The following DNAH2 variants were observed in gnomAD, a reference collection of about 807,000 sequenced individuals.
The protein encoded by DNAH2 is dynein axonemal heavy chain 2.
Under a neutral mutation model 523.5 loss-of-function variants are expected in DNAH2, and 323 were observed. That is an observed-to-expected ratio of 0.62 (90% CI 0.56 to 0.68). The LOEUF is 0.68. Among genes scored for constraint, DNAH2 ranks in the 30% least tolerant of loss-of-function variants. The pLI, the probability that DNAH2 is intolerant of heterozygous loss-of-function variation, is 0.00. For synonymous variants in DNAH2, 2,093 were observed against 2,177.4 expected, an observed-to-expected ratio of 0.96 and a Z score of 1.08; for missense variants, 4,907 against 5,701.5, an observed-to-expected ratio of 0.86 and a Z score of 4.49.
intron 46 of DNAH2, 49 bp downstream of exon 46, chr17:7,792,392 G>A: frequency 1.3e-6 from 2 of 1,585,920 alleles, no homozygotes; most frequent in African/African-American, 1.3e-5. Flanking sequence ...GCGGTAGGTG[G>A]GGGATGTGGC....
At position 7,807,670 on chromosome 17, in the gene DNAH2, T is replaced by A. The variant is rs1245674148; in HGVS notation, c.9729+84T>A. ...CATTAAGCATTTGTTTTCCCCCATCTAATTCTAGCCCCCTTCCCCATGTCC... is the reference window on the plus strand; with the variant it reads ...CATTAAGCATTTGTTTTCCCCCATCAAATTCTAGCCCCCTTCCCCATGTCC... On this transcript the variant is annotated intron_variant, in intron 63 of 85. Coordinates refer to ENST00000572933, the MANE Select transcript of DNAH2 (RefSeq NM_020877.5). This position sits in a 1 kb window ranked among gnomAD's most constrained non-coding sequence, Gnocchi z 5.6. The A allele has an allele frequency of 2.5e-6, 3 of 1,215,164 alleles. No individual in the cohort carries two copies. The highest frequency in any genetic ancestry group is 3.6e-6 in the Non-Finnish European group (3 of 842,884). 75.3% of individuals were successfully genotyped at this position (1,215,164 alleles called of 1,614,324 possible). A position where few individuals can be genotyped will look rare whatever the true frequency, so the allele number is the denominator to read the frequency against.
intron 22 of DNAH2, among the ~76,000 whole-genome samples, chr17:7,766,750 C>A (rs58635168): frequency 0.024 from 3,478 of 144,492 alleles, 114 homozygotes; most frequent in East Asian, 0.13. Context: ...CGGGTTCAAG[C>A]GATTCTCATG....
chr17:7,723,771 G>T, intron 3 of DNAH2, 82 bp downstream of exon 3: 1 of 1,222,664 alleles, frequency 8.2e-7, no homozygotes, highest in Non-Finnish European at 1.2e-6. Context: ...GGCACATGAG[G>T]AATTCTCTCT....
chr17:7,805,299 T>C lies in DNAH2; in HGVS notation c.9348T>C (p.Tyr3116=), dbSNP rs1567729688. ...NKKDIGEIKS[Y]GRPPAQVEIV... The stretch of plus-strand genomic sequence containing the variant: ...AGGATATAGGAGAGATCAAGTCTTA[T>C]GGACGGCCCCCAGCCCAAGTGGAGA... The change falls in exon 61 of 86, where the codon TAT becomes TAC. Residue 3116 remains tyrosine (Y), a synonymous_variant. Transcript: ENST00000572933. 1.2e-6 allele frequency: 2 copies of C among 1,614,128 alleles called. No individual in the cohort carries two copies. Among genetic ancestry groups the C allele is most frequent in the South Asian group, 1.1e-5 (1 of 91,094 alleles).
At chr17:7,802,123 G>A (rs1436949940) in intron 58 of DNAH2, 106 bp downstream of exon 58, 2 of 1,458,926 alleles carry the variant, frequency 1.4e-6, no homozygotes, top group Admixed American at 2.0e-5. Context: ...AAAGGCCACA[G>A]TTCTGCCCAG....
In DNAH2 at chr17:7,805,374, A is replaced by G; in HGVS notation, c.9423A>G (p.Ala3141=). ...TTCGAGGCAACGAGCCCACATGGGCAGAGGCCAAGAGGCAGCTAGGTAAGC... is the reference window on the plus strand; with the variant it reads ...TTCGAGGCAACGAGCCCACATGGGCGGAGGCCAAGAGGCAGCTAGGTAAGC... ...MILRGNEPTW[A]EAKRQLGEQN... Residue 3141 remains alanine (A), a synonymous_variant, in exon 61 of 86, where the codon GCA becomes GCG. Transcript: ENST00000572933. 1.9e-6 allele frequency: 3 copies of G among 1,614,264 alleles called. No homozygotes were observed. Among genetic ancestry groups the G allele is most frequent in the Non-Finnish European group, 2.5e-6 (3 of 1,180,042 alleles).
intron 73 of DNAH2, among the ~76,000 whole-genome samples, 199 bp from the exon 74 acceptor site, chr17:7,823,243 G>A (rs1036573611): frequency 6.8e-6 from 1 of 147,550 alleles, no homozygotes; most frequent in Non-Finnish European, 1.5e-5. Flanking sequence ...GCAGTGAGCC[G>A]AGATTGTGCC....
rs146746928 is a variant in DNAH2 at position 7,768,457 on chromosome 17, T to C, written c.3941+190T>C. Among the ~76,000 whole-genome samples the C allele has an allele frequency of 6.7e-3, 1,017 of 152,368 alleles. 7 individuals carry two copies. The highest frequency in any genetic ancestry group is 0.017 in the African/African-American group (720 of 41,584). On this transcript the variant is annotated intron_variant, in intron 24 of 85. Coordinates refer to ENST00000572933, the MANE Select transcript of DNAH2 (RefSeq NM_020877.5). ...GGACGCATGAAAATTGCATACACTT[T>C]GGTGTACAGCATAATGTTTTGAAAT...
rs1378244067 is a variant in DNAH2 at position 7,776,795 on chromosome 17, G to T, written c.4964G>T (p.Ser1655Ile). Residue 1655 changes from serine (S) to isoleucine (I), a missense_variant, in exon 32 of 86, where the codon AGT becomes ATT. Ser to Ile is a moderately radical substitution (Grantham distance 142, BLOSUM62 -2). This residue lies in a region of DNAH2 where 2,806 missense variants were observed against 3,190.8 expected (regional missense o/e 0.88). Coordinates refer to ENST00000572933, the MANE Select transcript of DNAH2 (RefSeq NM_020877.5). ...CATCCCCAGGTGGTGATCACTGCCA[G>T]TCAGATCCAGTGGACGGCTGATGTC... is the stretch of plus-strand genomic sequence containing the variant. ...EWAGQVVITA[S>I]QIQWTADVTK... The T allele has an allele frequency of 6.2e-7, 1 of 1,612,698 alleles. No homozygotes were observed. The highest frequency in any genetic ancestry group is 1.7e-5 in the Admixed American group (1 of 59,962).
intron 2 of DNAH2, among the ~76,000 whole-genome samples, chr17:7,722,585 C>T (rs1567596867): frequency 6.6e-6 from 1 of 152,112 alleles, no homozygotes; most frequent in African/African-American, 2.4e-5. Context: ...TCCCAGGAAC[C>T]GCTCATCTAT....
chr17:7,718,830 A>T (rs955872966), intron 1 of DNAH2, 31 bp downstream of exon 1: 1 of 152,674 alleles, frequency 6.5e-6, no homozygotes, highest in African/African-American at 2.4e-5. Context: ...CTGTTTACAG[A>T]TGTTGCAGAT....
At chr17:7,830,226 C>T (rs539435861) in intron 77 of DNAH2, 74 bp from the exon 78 acceptor site, 2 of 1,500,946 alleles carry the variant, frequency 1.3e-6, no homozygotes, top group South Asian at 1.3e-5. Context: ...ACCTCCACAA[C>T]TGTACATGGC....
intron 7 of DNAH2, among the ~76,000 whole-genome samples, chr17:7,736,437 A>C (rs1185504648): frequency 6.6e-6 from 1 of 152,222 alleles, no homozygotes; most frequent in Non-Finnish European, 1.5e-5. Flanking sequence ...ATCCGACAGC[A>C]ACAGAGTATC....
chr17:7,804,336 G>A lies in DNAH2; in HGVS notation c.9053G>A (p.Arg3018Lys). Residue 3018 changes from arginine (R) to lysine (K), a missense_variant, in exon 59 of 86, where the codon AGG (arginine) becomes AAG (lysine). Physicochemically the swap from Arg to Lys is conservative, Grantham distance 26. Coordinates refer to ENST00000572933, the MANE Select transcript of DNAH2 (RefSeq NM_020877.5). ...GGCTTGTTCAAGATCGACGAAACTA[G>A]GGAAAAGGTGCAAGTGATGTCGTTG... ...RTGLFKIDET[R>K]EKVQVMSLEL... The A allele has an allele frequency of 6.2e-7, 1 of 1,614,190 alleles. No homozygotes were observed. The highest frequency in any genetic ancestry group is 1.1e-5 in the South Asian group (1 of 91,080).
intron 60 of DNAH2, 35 bp from the exon 61 acceptor site, chr17:7,805,217 C>G (rs370522153): frequency 8.7e-6 from 14 of 1,610,864 alleles, no homozygotes; most frequent in African/African-American, 5.3e-5. Flanking sequence ...CCAGAAGGTC[C>G]TGTCTTACCC....
In DNAH2 at chr17:7,818,870, C is replaced by T. The variant is rs1417989992; in HGVS notation, c.10671-49C>T. 3 of 1,606,124 alleles carry T rather than the reference C, an allele frequency of 1.9e-6. No homozygotes were observed. In the African/African-American group the frequency reaches 4.0e-5, roughly 21 times the overall value. The stretch of plus-strand genomic sequence containing the variant: ...CCAGGCACAACAGCATCCCAGGGAG[C>T]CTGGTCCCGCTAACCCCTTGCTCCA... On this transcript the variant is annotated intron_variant, in intron 70 of 85. Coordinates refer to ENST00000572933, the MANE Select transcript of DNAH2 (RefSeq NM_020877.5).
chr17:7,823,431 T>C lies in DNAH2; in HGVS notation c.11143-11T>C. The C allele has an allele frequency of 6.2e-7, 1 of 1,611,944 alleles. No homozygotes were observed. The highest frequency in any genetic ancestry group is 8.5e-7 in the Non-Finnish European group (1 of 1,179,428). ...AAGTCAATCCCTTTCTTCCTCCCCT[T>C]CTCCCACCAGGTCTTGGATCGGGAG... On this transcript the variant is annotated splice_polypyrimidine_tract_variant and intron_variant, in intron 73 of 85. Transcript: ENST00000572933.
At chr17:7,720,341 C>T (rs557124283) in intron 2 of DNAH2, among the ~76,000 whole-genome samples, 2 of 152,316 alleles carry the variant, frequency 1.3e-5, no homozygotes, top group South Asian at 2.1e-4. Flanking sequence ...ATCCAAAGCC[C>T]GGCTGATGCT....
chr17:7,792,171 C>T, intron 45 of DNAH2, 81 bp from the exon 46 acceptor site: 1 of 1,600,546 alleles, frequency 6.2e-7, no homozygotes, highest in Non-Finnish European at 8.5e-7. Context: ...CTTTCTTCCA[C>T]CCGGTGGTCT....
Sources: gnomAD v4.1 joint callset for allele counts (sites outside exome capture counted in the v4.1 genomes callset) on GRCh38, gnomAD v4.1.1 for gene constraint, gnomAD v4.1.1 regional missense constraint, Gnocchi (gnomAD v3.1) non-coding constraint, MANE v1.5 for transcripts, NCBI Gene and HGNC (gene_info 2026-07-23, HGNC 2026-07-21) for gene names.